Variants in CCDC91 observed in about 807,000 individuals in gnomAD.
CCDC91 encodes coiled-coil domain containing 91, also known as coiled-coil domain-containing protein 91.
A neutral mutation model predicts 63.2 loss-of-function variants in CCDC91; 48 were observed. That is an observed-to-expected ratio of 0.76 (90% CI 0.60 to 0.97). CCDC91 has a LOEUF of 0.97. CCDC91 is among the 50% of genes least tolerant of loss of function. The pLI, the probability that CCDC91 is intolerant of heterozygous loss-of-function variation, is 0.00. For missense variants in CCDC91, 500 were observed against 494.6 expected, an observed-to-expected ratio of 1.01 and a Z score of -0.10; for synonymous variants, 167 against 165.8, an observed-to-expected ratio of 1.01 and a Z score of -0.06.
At chr12:28,315,945 G>A (rs183767131) in intron 6 of CCDC91, among the ~76,000 whole-genome samples, 12 of 151,696 alleles carry the variant, frequency 7.9e-5, no homozygotes, top group Admixed American at 4.6e-4. Flanking sequence ...TTTCTTGGAG[G>A]CCTTTTCATA....
chr12:28,382,413 T>A (rs1248300945), intron 7 of CCDC91, among the ~76,000 whole-genome samples: 1 of 152,016 alleles, frequency 6.6e-6, no homozygotes, highest in Non-Finnish European at 1.5e-5. Context: ...AAGTAGGTAA[T>A]TTAACTCTCA....
chr12:28,295,990 A>G (rs1225684800), intron 3 of CCDC91, among the ~76,000 whole-genome samples: 1 of 151,882 alleles, frequency 6.6e-6, no homozygotes, highest in East Asian at 1.9e-4. Flanking sequence ...TATTCCTCCC[A>G]TATTCTTCAA....
Position 28,549,125 on chromosome 12 carries a change from G to C in CCDC91, c.1278G>C (p.Gln426His). The change falls in exon 13 of 13, where the codon CAG (glutamine) becomes CAC (histidine). Residue 426 changes from glutamine to histidine, a missense_variant. Gln to His is a conservative substitution (Grantham distance 24). Transcript: ENST00000536442. ...SSLELFLSCA[Q>H]KQLSALIATE... ...TGGAACTGTTCCTCTCCTGTGCACA[G>C]AAACAGTTAAGTGCTTTAATAGCTA... The C allele has an allele frequency of 3.1e-6, 5 of 1,612,662 alleles. No homozygotes were observed. The highest frequency in any genetic ancestry group is 1.7e-5 in the Admixed American group (1 of 59,944).
At chr12:28,456,692 T>C (rs1468891415) in intron 11 of CCDC91, among the ~76,000 whole-genome samples, 2 of 152,138 alleles carry the variant, frequency 1.3e-5, no homozygotes, top group Non-Finnish European at 2.9e-5. Flanking sequence ...ATGGTGATTT[T>C]GGATGTAATT....
chr12:28,447,345 A>T (rs141233907), intron 8 of CCDC91, among the ~76,000 whole-genome samples: 1 of 152,026 alleles, frequency 6.6e-6, no homozygotes, highest in Non-Finnish European at 1.5e-5. Flanking sequence ...AATATTGAAT[A>T]AACAGCTCTC....
At chr12:28,340,503 G>A (rs1942333125) in intron 6 of CCDC91, among the ~76,000 whole-genome samples, 1 of 152,194 alleles carries the variant, frequency 6.6e-6, no homozygotes. Flanking sequence ...TGTGGTAATG[G>A]CCTTCATTCC....
chr12:28,341,235 A>G (rs891636795), intron 6 of CCDC91, among the ~76,000 whole-genome samples: 1 of 152,130 alleles, frequency 6.6e-6, no homozygotes, highest in Non-Finnish European at 1.5e-5. Context: ...TTATAAGCAT[A>G]GGATGGGGGC....
intron 7 of CCDC91, among the ~76,000 whole-genome samples, chr12:28,375,727 G>A (rs1944904145): frequency 6.6e-6 from 1 of 151,894 alleles, no homozygotes; most frequent in African/African-American, 2.4e-5. Flanking sequence ...ATTGTTTACT[G>A]CAAGCAACAT....
At chr12:28,348,608 C>G (rs1565836162) in intron 6 of CCDC91, among the ~76,000 whole-genome samples, 1 of 152,176 alleles carries the variant, frequency 6.6e-6, no homozygotes, top group East Asian at 1.9e-4. Context: ...TGTTTTCTCT[C>G]TTCTTTCTGT....
intron 11 of CCDC91, among the ~76,000 whole-genome samples, chr12:28,463,937 A>C (rs1416546308): frequency 6.6e-6 from 1 of 152,146 alleles, no homozygotes; most frequent in Admixed American, 6.5e-5. Context: ...CTTGATTTTT[A>C]CTTTATATTG....
At chr12:28,359,079 A>G (rs1943708279) in intron 6 of CCDC91, among the ~76,000 whole-genome samples, 1 of 152,146 alleles carries the variant, frequency 6.6e-6, no homozygotes, top group South Asian at 2.1e-4. Context: ...TATTTTTAGT[A>G]GAGACAGGGT....
At chr12:28,496,292 C>T (rs1307129304) in intron 12 of CCDC91, among the ~76,000 whole-genome samples, 1 of 151,638 alleles carries the variant, frequency 6.6e-6, no homozygotes, top group Admixed American at 6.6e-5. Context: ...ATTTCCATCC[C>T]CCAAATTTGG....
At chr12:28,526,037 T>A (rs1266677598) in intron 12 of CCDC91, among the ~76,000 whole-genome samples, 6 of 152,294 alleles carry the variant, frequency 3.9e-5, no homozygotes, top group Admixed American at 2.0e-4. Flanking sequence ...GATGAATTCT[T>A]ATCTATTCGG....
chr12:28,430,561 C>G (rs2140074108), intron 8 of CCDC91, among the ~76,000 whole-genome samples: 1 of 152,068 alleles, frequency 6.6e-6, no homozygotes. Context: ...TGTATAGATT[C>G]CATTAAATTT....
intron 12 of CCDC91, among the ~76,000 whole-genome samples, chr12:28,492,072 T>G (rs1952042698): frequency 6.6e-6 from 1 of 151,772 alleles, no homozygotes; most frequent in Non-Finnish European, 1.5e-5. Context: ...ATTAAACTGT[T>G]TAGAAGGAAA....
chr12:28,381,754 A>G (rs1241291575), intron 7 of CCDC91, among the ~76,000 whole-genome samples: 2 of 152,118 alleles, frequency 1.3e-5, no homozygotes, highest in East Asian at 3.9e-4. Context: ...CTGTTGTTAA[A>G]TCAGCAAGCA....
At chr12:28,429,853 A>G (rs74556341) in intron 8 of CCDC91, among the ~76,000 whole-genome samples, 1,934 of 152,152 alleles carry the variant, frequency 0.013, 48 homozygotes, top group African/African-American at 0.044. Flanking sequence ...ATTTAATCGC[A>G]TCCCAAAAAA....
intron 7 of CCDC91, among the ~76,000 whole-genome samples, chr12:28,364,351 G>A (rs1177408978): frequency 6.6e-6 from 1 of 152,088 alleles, no homozygotes; most frequent in East Asian, 1.9e-4. Flanking sequence ...TTGCGCCATT[G>A]CACTCCTGCC....
intron 2 of CCDC91, among the ~76,000 whole-genome samples, chr12:28,258,840 C>T (rs140563913): frequency 8.6e-5 from 13 of 151,900 alleles, no homozygotes; most frequent in Admixed American, 2.0e-4. Flanking sequence ...CAAAATAGGA[C>T]GGCTTGTTAA....
Sources: allele counts gnomAD v4.1 joint callset (sites outside exome capture counted in the v4.1 genomes callset), GRCh38; gene constraint gnomAD v4.1.1; transcripts MANE v1.5; gene names NCBI Gene and HGNC (gene_info 2026-07-23, HGNC 2026-07-21).